Variants in PROX1 observed in about 807,000 individuals in gnomAD.
The protein encoded by PROX1 is prospero homeobox protein 1.
A neutral mutation model predicts 58.8 loss-of-function variants in PROX1; 7 were observed. The observed-to-expected ratio is 0.12, with a 90% CI of 0.07 to 0.22. The LOEUF (loss-of-function observed/expected upper bound fraction) is 0.22. Among genes scored for constraint, PROX1 ranks in the 10% least tolerant of loss-of-function variants. The pLI, the probability that PROX1 is intolerant of heterozygous loss-of-function variation, is 1.00. For missense variants in PROX1, 675 were observed against 927.8 expected, an observed-to-expected ratio of 0.73 and a Z score of 3.54; for synonymous variants, 350 against 358.3, an observed-to-expected ratio of 0.98 and a Z score of 0.26.
chr1:213,986,988 T>G (rs191430278), upstream of PROX1, among the ~76,000 whole-genome samples: 28 of 152,362 alleles, frequency 1.8e-4, no homozygotes, highest in Admixed American at 1.8e-3. Flanking sequence ...ATTTCTTGCC[T>G]AATAAACTTT....
chr1:214,024,719 AACAATCACGTAAT>A lies in PROX1; in HGVS notation c.2029-10926_2029-10914del, dbSNP rs1558185150. Among the ~76,000 whole-genome samples the A allele has an allele frequency of 3.3e-5, 5 of 152,330 alleles. No homozygotes were observed. The South Asian group carries it at 1.0e-3, about 32-fold the overall frequency. On this transcript the variant is annotated intron_variant, in intron 4 of 4. Transcript: ENST00000366958. ...TTATGAAGGTAAAGCTGTGGCAGAAAACAATCACGTAATACATTCTCGAACGAAACAGGAGTAA... is the reference window on the plus strand; with the variant it reads ...TTATGAAGGTAAAGCTGTGGCAGAAAACATTCTCGAACGAAACAGGAGTAA...
intron 4 of PROX1, among the ~76,000 whole-genome samples, chr1:214,023,147 T>C (rs1322587065): frequency 6.6e-6 from 1 of 152,230 alleles, no homozygotes; most frequent in Non-Finnish European, 1.5e-5. Context: ...ATCATTAGAC[T>C]TGCTGCTCAC....
chr1:214,005,045 T>G (rs1370927139), intron 2 of PROX1, 120 bp from the exon 3 acceptor site: 6 of 725,170 alleles, frequency 8.3e-6, no homozygotes, highest in African/African-American at 1.8e-5. Context: ...TCATATACCT[T>G]CCAGCACTCC....
At chr1:213,990,925 G>A (rs560502478) in intron 1 of PROX1, among the ~76,000 whole-genome samples, 1 of 152,220 alleles carries the variant, frequency 6.6e-6, no homozygotes, top group South Asian at 2.1e-4. Context: ...TGTGCCAAAT[G>A]TCCTAGATAT....
intron 4 of PROX1, among the ~76,000 whole-genome samples, chr1:214,028,605 T>G (rs1314578898): frequency 6.6e-6 from 1 of 152,296 alleles, no homozygotes; most frequent in East Asian, 1.9e-4. Flanking sequence ...GAATTAGGGC[T>G]CCTCTTTAAA....
Position 213,997,241 on chromosome 1 carries a change from C to T in PROX1, c.706C>T (p.Arg236Cys). ...SARKEQKREE[R>C]RQLKQQLEDM... The stretch of plus-strand genomic sequence containing the variant: ...CCGAAAAGAACAGAAGCGAGAGGAG[C>T]GCCGACAGCTGAAACAGCAGCTGGA... The change falls in exon 2 of 5, where the codon CGC (arginine) becomes TGC (cysteine). Residue 236 changes from arginine (R) to cysteine (C), a missense_variant. By Grantham distance (180) the Arg-to-Cys change is radical. Around this residue, in one of 8 missense-constraint regions of PROX1, gnomAD observed 403 missense variants for 477.4 expected, o/e 0.84. Transcript: ENST00000366958. This position sits in a 1 kb window ranked among gnomAD's most constrained non-coding sequence, Gnocchi z 7.1. The T allele has an allele frequency of 1.9e-6, 3 of 1,612,548 alleles. No homozygotes were observed. Among genetic ancestry groups the T allele is most frequent in the Non-Finnish European group, 2.5e-6 (3 of 1,179,356 alleles).
At chr1:214,010,277 G>A (rs1571820825) in intron 3 of PROX1, among the ~76,000 whole-genome samples, 1 of 152,074 alleles carries the variant, frequency 6.6e-6, no homozygotes, top group Non-Finnish European at 1.5e-5. Context: ...TTGGCCTTTT[G>A]GGAGAAACAC....
intron 4 of PROX1, among the ~76,000 whole-genome samples, chr1:214,031,924 A>G (rs529450373): frequency 6.6e-6 from 1 of 152,068 alleles, no homozygotes; most frequent in Admixed American, 6.5e-5. Flanking sequence ...CACCAAACAC[A>G]TGAGTTGCTC....
At chr1:213,991,397 T>G (rs1243261754) in intron 1 of PROX1, among the ~76,000 whole-genome samples, 1 of 152,142 alleles carries the variant, frequency 6.6e-6, no homozygotes, top group Non-Finnish European at 1.5e-5. Context: ...TTCTGTAGAC[T>G]TCAACATTAA....
intron 2 of PROX1, among the ~76,000 whole-genome samples, chr1:214,003,526 G>A (rs4282786): frequency 0.28 from 42,006 of 152,052 alleles, 6,012 homozygotes; most frequent in Admixed American, 0.39. Context: ...ATAAATTATC[G>A]TCTTTGTAAT....
At chr1:214,033,072 TGCCTGCCC>T (rs1558189404) in intron 4 of PROX1, among the ~76,000 whole-genome samples, 1 of 152,130 alleles carries the variant, frequency 6.6e-6, no homozygotes, top group Admixed American at 6.5e-5. Context: ...TCTTGAACAA[TGCCTGCCC>T]TTCCCCTGTC....
intron 4 of PROX1, among the ~76,000 whole-genome samples, chr1:214,023,719 T>C (rs939244625): frequency 1.3e-5 from 2 of 152,202 alleles, no homozygotes; most frequent in African/African-American, 2.4e-5. Context: ...TACAAGCCAT[T>C]TGGATATGTA....
At chr1:213,987,342 G>A (rs779900353), upstream of PROX1, 4 of 151,898 alleles carry the variant, frequency 2.6e-5, no homozygotes, top group African/African-American at 7.2e-5. Flanking sequence ...AGGAACCAAG[G>A]GTGACACGTA....
At chr1:213,984,413 C>A (rs1400449410), upstream of PROX1, 1 of 152,194 alleles carries the variant, frequency 6.6e-6, no homozygotes, top group Admixed American at 6.5e-5. Flanking sequence ...GGTTATATTT[C>A]AACTTCTTTG....
intron 4 of PROX1, among the ~76,000 whole-genome samples, chr1:214,032,540 T>C (rs113076124): frequency 0.045 from 6,835 of 152,166 alleles, 273 homozygotes; most frequent in African/African-American, 0.11. Flanking sequence ...ACCACAGGCA[T>C]GTGCCACCAC....
intron 3 of PROX1, among the ~76,000 whole-genome samples, chr1:214,010,029 T>C (rs552969787): frequency 6.6e-6 from 1 of 152,316 alleles, no homozygotes; most frequent in East Asian, 1.9e-4. Context: ...GTTTAAGTTC[T>C]ATTGAAATCG....
Position 214,035,706 on chromosome 1 carries a change from A to C in PROX1, c.2086A>C (p.Ile696Leu), listed in dbSNP as rs1227327375. 1 of 1,613,998 alleles carries C rather than the reference A, an allele frequency of 6.2e-7. No homozygotes were observed. Among genetic ancestry groups the C allele is most frequent in the Non-Finnish European group, 8.5e-7 (1 of 1,179,912 alleles). Residue 696 changes from isoleucine to leucine, a missense_variant, in exon 5 of 5, where the codon ATT becomes CTT. Around this residue, in one of 8 missense-constraint regions of PROX1, gnomAD observed 50 missense variants for 79.3 expected, o/e 0.63. Coordinates refer to ENST00000366958, the MANE Select transcript of PROX1 (RefSeq NM_001270616.2). The part of the protein sequence containing the change: ...QITLREFFNA[I>L]IAGKDVDPSW... The stretch of plus-strand genomic sequence containing the variant: ...CACATTACGGGAGTTTTTCAATGCC[A>C]TTATCGCAGGCAAAGATGTTGATCC...
chr1:214,039,696 G>A lies in PROX1; in HGVS notation c.*3862G>A, dbSNP rs1306737180. On this transcript the variant is annotated 3_prime_UTR_variant, in exon 5 of 5. Coordinates refer to ENST00000366958, the MANE Select transcript of PROX1 (RefSeq NM_001270616.2). ...ACAATCTCTTTTATCAGATGTCAAG[G>A]GCAAGGGTAATGCAGTTTCTGTAAA... The A allele has an allele frequency of 6.6e-6, 1 of 151,940 alleles. No homozygotes were observed. Among genetic ancestry groups the A allele is most frequent in the Non-Finnish European group, 1.5e-5 (1 of 68,010 alleles). The allele number at this position is 151,940 out of a possible 1,614,324, so 9.4% of individuals were successfully genotyped here.
intron 4 of PROX1, among the ~76,000 whole-genome samples, chr1:214,013,200 G>A (rs74449455): frequency 9.5e-4 from 144 of 151,996 alleles, no homozygotes; most frequent in African/African-American, 3.3e-3. Context: ...AGAATTCTTC[G>A]TGTACTGCTC....
Sources: allele counts gnomAD v4.1 joint callset (sites outside exome capture counted in the v4.1 genomes callset), GRCh38; gene constraint gnomAD v4.1.1; regional missense constraint gnomAD v4.1.1; non-coding constraint Gnocchi (gnomAD v3.1); transcripts MANE v1.5; gene names NCBI Gene and HGNC (gene_info 2026-07-23, HGNC 2026-07-21).